The following CDH18 variants were observed in gnomAD, a reference collection of about 807,000 sequenced individuals.
The protein encoded by CDH18 is cadherin 18.
Under a neutral mutation model 67.9 loss-of-function variants are expected in CDH18, and 31 were observed. The ratio of observed to expected loss-of-function variants is 0.46; its 90% CI spans 0.34 to 0.62. The LOEUF is 0.62. CDH18 is among the 20% of genes least tolerant of loss of function. CDH18 has a pLI of 0.01. For missense variants in CDH18, 890 were observed against 975.5 expected, an observed-to-expected ratio of 0.91 and a Z score of 1.17; for synonymous variants, 362 against 347.2, an observed-to-expected ratio of 1.04 and a Z score of -0.48.
At chr5:19,731,971 T>G (rs1398816006) in intron 4 of CDH18, among the ~76,000 whole-genome samples, 1 of 150,880 alleles carries the variant, frequency 6.6e-6, no homozygotes, top group Non-Finnish European at 1.5e-5. Flanking sequence ...ACACCTGTAG[T>G]TCTAGCTACT....
Position 19,921,259 on chromosome 5 carries a change from T to C in CDH18, c.-257+59801A>G, listed in dbSNP as rs182586425. Among the ~76,000 whole-genome samples, 729 of 152,072 alleles carry C rather than the reference T, an allele frequency of 4.8e-3. 2 individuals carry two copies. The highest frequency in any genetic ancestry group is 7.9e-3 in the Non-Finnish European group (537 of 67,942). On this transcript the variant is annotated intron_variant, in intron 2 of 12. Coordinates refer to ENST00000382275, the MANE Select transcript of CDH18 (RefSeq NM_004934.5). ...TAAAAACAACAAAACAGGCCGGGCA[T>C]AGTGGCTCACACCTGTAATCCCAGC...
chr5:20,496,389 A>AT (rs1753907472), intron 1 of CDH18, among the ~76,000 whole-genome samples: 1 of 152,290 alleles, frequency 6.6e-6, no homozygotes, highest in East Asian at 1.9e-4. Context: ...AATATTCATG[A>AT]TTTTTAGGAT....
intron 2 of CDH18, among the ~76,000 whole-genome samples, chr5:20,188,172 T>G (rs1738250202): frequency 6.6e-6 from 1 of 151,992 alleles, no homozygotes; most frequent in Admixed American, 6.6e-5. Flanking sequence ...TACAATTTTT[T>G]AAAGCCCCAT....
chr5:20,570,069 A>T (rs1455545746), intron 1 of CDH18, among the ~76,000 whole-genome samples: 3 of 152,186 alleles, frequency 2.0e-5, no homozygotes, highest in African/African-American at 7.2e-5. Flanking sequence ...TTGAATGGCA[A>T]TGAAAATGTT....
At chr5:20,493,767 C>T (rs1753733711) in intron 1 of CDH18, among the ~76,000 whole-genome samples, 1 of 151,956 alleles carries the variant, frequency 6.6e-6, no homozygotes, top group Non-Finnish European at 1.5e-5. Context: ...GGGTAAATTG[C>T]CTTAGAGTTG....
At chr5:19,858,660 C>T (rs183482336) in intron 2 of CDH18, among the ~76,000 whole-genome samples, 154 of 152,182 alleles carry the variant, frequency 1.0e-3, no homozygotes, top group Non-Finnish European at 1.8e-3. Context: ...TTAATTGGTC[C>T]TGTTTTAAGT....
At chr5:20,105,282 C>A (rs1372930012) in intron 2 of CDH18, among the ~76,000 whole-genome samples, 1 of 152,032 alleles carries the variant, frequency 6.6e-6, no homozygotes, top group East Asian at 1.9e-4. Flanking sequence ...CTACTGTGCC[C>A]AGCGAATTGT....
At chr5:19,889,197 A>G (rs1788534973) in intron 2 of CDH18, among the ~76,000 whole-genome samples, 1 of 152,040 alleles carries the variant, frequency 6.6e-6, no homozygotes, top group Admixed American at 6.6e-5. Flanking sequence ...AATATTTTCT[A>G]TGTATAGATA....
chr5:20,389,524 T>C (rs1460355780), intron 1 of CDH18, among the ~76,000 whole-genome samples: 1 of 152,136 alleles, frequency 6.6e-6, no homozygotes, highest in Non-Finnish European at 1.5e-5. Flanking sequence ...GTCTGTGTCT[T>C]TAATTGGAGC....
At chr5:19,859,989 G>GGGGTGT (rs143069229) in intron 2 of CDH18, among the ~76,000 whole-genome samples, 187 of 143,248 alleles carry the variant, frequency 1.3e-3, no homozygotes, top group African/African-American at 3.4e-3. Flanking sequence ...GTTTGCTTTG[G>GGGGTGT]GTGTGTGTGT....
At chr5:20,343,804 G>T (rs1054665701) in intron 1 of CDH18, among the ~76,000 whole-genome samples, 2 of 151,938 alleles carry the variant, frequency 1.3e-5, no homozygotes, top group African/African-American at 4.8e-5. Context: ...ACATCTAATG[G>T]GTCTACCATT....
At chr5:20,146,935 C>G (rs1055862364) in intron 2 of CDH18, among the ~76,000 whole-genome samples, 5 of 151,920 alleles carry the variant, frequency 3.3e-5, no homozygotes, top group Non-Finnish European at 5.9e-5. Context: ...TTTTCTTGAC[C>G]TCTTTGAGGA....
At chr5:20,537,030 T>C (rs1436742969) in intron 1 of CDH18, among the ~76,000 whole-genome samples, 1 of 152,132 alleles carries the variant, frequency 6.6e-6, no homozygotes, top group African/African-American at 2.4e-5. Flanking sequence ...CTGCCTATGG[T>C]GTCTGCCTTA....
chr5:19,645,020 T>C (rs537319101), intron 5 of CDH18, among the ~76,000 whole-genome samples: 21 of 152,192 alleles, frequency 1.4e-4, no homozygotes, highest in Non-Finnish European at 2.6e-4. Flanking sequence ...CTTTCTGCTC[T>C]GCAAAATAAG....
chr5:20,080,561 A>G (rs1323908329), intron 2 of CDH18, among the ~76,000 whole-genome samples: 1 of 152,176 alleles, frequency 6.6e-6, no homozygotes. Context: ...TAATTAAAAT[A>G]CTTGAATGTA....
chr5:20,540,270 TA>T (rs1756981807), intron 1 of CDH18, among the ~76,000 whole-genome samples: 1 of 152,176 alleles, frequency 6.6e-6, no homozygotes, highest in Non-Finnish European at 1.5e-5. Context: ...CGAACAGACT[TA>T]TTAAATTCCA....
chr5:20,437,085 A>T (rs1036020956), intron 1 of CDH18, among the ~76,000 whole-genome samples: 2 of 151,584 alleles, frequency 1.3e-5, no homozygotes, highest in Non-Finnish European at 3.0e-5. Context: ...TTAGATAGAC[A>T]AAGAAGGTGA....
At chr5:20,335,524 A>G in intron 1 of CDH18, among the ~76,000 whole-genome samples, 1 of 152,240 alleles carries the variant, frequency 6.6e-6, no homozygotes, top group Non-Finnish European at 1.5e-5. Context: ...TTAAGGTCAC[A>G]TTCCCAATGA....
intron 2 of CDH18, among the ~76,000 whole-genome samples, chr5:20,206,798 T>A (rs1348956548): frequency 6.6e-6 from 1 of 152,004 alleles, no homozygotes; most frequent in Non-Finnish European, 1.5e-5. Context: ...AATTCAGTGT[T>A]ACTTTAATGA....
Sources: gnomAD v4.1 joint callset for allele counts (sites outside exome capture counted in the v4.1 genomes callset) on GRCh38, gnomAD v4.1.1 for gene constraint, MANE v1.5 for transcripts, NCBI Gene and HGNC (gene_info 2026-07-23, HGNC 2026-07-21) for gene names.